SGCD: variants seen among roughly 807,000 people sequenced by gnomAD.
SGCD encodes delta-sarcoglycan.
In SGCD, 18 loss-of-function variants were observed where a neutral mutation model predicts 36.6. The ratio of observed to expected loss-of-function variants is 0.49; its 90% confidence interval spans 0.34 to 0.73. The LOEUF (loss-of-function observed/expected upper bound fraction) is 0.73. SGCD is among the 30% of genes least tolerant of loss of function. SGCD has a pLI of 0.01. For synonymous variants in SGCD, 133 were observed against 130.6 expected (o/e 1.02, Z -0.12); for missense variants, 387 against 346.7 (o/e 1.12, Z -0.92).
At chr5:155,862,135 G>A in the SGCD span, among the ~76,000 whole-genome samples, 4 of 152,028 alleles carry the variant, frequency 2.6e-5, no homozygotes, top group South Asian at 8.3e-4. Flanking sequence ...GAACAACTGT[G>A]TATGATTTCT....
chr5:155,962,476 C>T (rs1757811656), intron 1 of SGCD, among the ~76,000 whole-genome samples: 1 of 152,096 alleles, frequency 6.6e-6, no homozygotes, highest in East Asian at 1.9e-4. Context: ...CCAGTGGTTT[C>T]TCTGTAGCTA....
chr5:155,919,373 G>A (rs1368331), intron 1 of SGCD, among the ~76,000 whole-genome samples: 14,438 of 152,142 alleles, frequency 0.095, 775 homozygotes, highest in South Asian at 0.17. Flanking sequence ...CAGGGCCAAT[G>A]GTACAAAACT....
At chr5:156,627,098 G>A (rs900927598) in intron 6 of SGCD, among the ~76,000 whole-genome samples, 1 of 152,148 alleles carries the variant, frequency 6.6e-6, no homozygotes, top group Non-Finnish European at 1.5e-5. Context: ...ATTGCCCTGT[G>A]GGAGAATGAT....
At chr5:156,427,726 G>A (rs963278266) in intron 3 of SGCD, among the ~76,000 whole-genome samples, 3 of 151,992 alleles carry the variant, frequency 2.0e-5, no homozygotes, top group African/African-American at 7.2e-5. Flanking sequence ...TGCCAATTTT[G>A]TTGAGAGGTT....
intron 3 of SGCD, among the ~76,000 whole-genome samples, chr5:156,397,510 G>A (rs1771924143): frequency 6.6e-6 from 1 of 152,196 alleles, no homozygotes; most frequent in African/African-American, 2.4e-5. Context: ...TGATTTGCCT[G>A]AGGTTACACA....
chr5:156,504,603 C>T (rs991426871), intron 3 of SGCD, among the ~76,000 whole-genome samples: 1 of 151,942 alleles, frequency 6.6e-6, no homozygotes, highest in Non-Finnish European at 1.5e-5. Context: ...TGCAACTTTA[C>T]ATAGTTTTTA....
intron 1 of SGCD, among the ~76,000 whole-genome samples, chr5:156,016,340 G>A (rs1205117206): frequency 2.6e-5 from 4 of 151,960 alleles, no homozygotes; most frequent in African/African-American, 9.7e-5. Flanking sequence ...AATGCAGTTA[G>A]GTTTGTTTCT....
At chr5:156,354,557 A>G (rs1372527387) in intron 3 of SGCD, among the ~76,000 whole-genome samples, 1 of 152,214 alleles carries the variant, frequency 6.6e-6, no homozygotes, top group East Asian at 1.9e-4. Context: ...GAGAGTTTTC[A>G]TACAACTAAA....
chr5:156,045,640 T>C (rs1342796115), intron 1 of SGCD, among the ~76,000 whole-genome samples: 2 of 152,190 alleles, frequency 1.3e-5, no homozygotes, highest in East Asian at 3.9e-4. Context: ...TAAAGCAGCA[T>C]CAGTTTCTGG....
At chr5:156,360,794 G>A (rs960488076) in intron 3 of SGCD, among the ~76,000 whole-genome samples, 5 of 152,040 alleles carry the variant, frequency 3.3e-5, no homozygotes, top group Non-Finnish European at 1.5e-5. Flanking sequence ...CCTTTCTACT[G>A]AGAGCCATTT....
chr5:156,176,848 T>A (rs1466310303), intron 3 of SGCD, among the ~76,000 whole-genome samples: 2 of 152,196 alleles, frequency 1.3e-5, no homozygotes, highest in Non-Finnish European at 2.9e-5. Flanking sequence ...TGCCTTCAGT[T>A]TTGGAAAATT....
intron 3 of SGCD, among the ~76,000 whole-genome samples, chr5:156,263,692 T>A (rs1174744093): frequency 6.6e-6 from 1 of 152,076 alleles, no homozygotes; most frequent in Non-Finnish European, 1.5e-5. Context: ...AGGATTTTTC[T>A]CATGTTATCT....
At chr5:156,596,635 C>T (rs995516178) in intron 6 of SGCD, among the ~76,000 whole-genome samples, 1 of 152,132 alleles carries the variant, frequency 6.6e-6, no homozygotes, top group Non-Finnish European at 1.5e-5. Flanking sequence ...TTTACCTCCT[C>T]CCACAGTCAG....
intron 2 of SGCD, among the ~76,000 whole-genome samples, chr5:156,330,637 C>T (rs1356606758): frequency 1.3e-5 from 2 of 152,302 alleles, no homozygotes; most frequent in African/African-American, 2.4e-5. Context: ...TGAGCCTTCT[C>T]CTGACAAAAA....
At chr5:156,713,514 C>T (rs1755090633) in intron 7 of SGCD, among the ~76,000 whole-genome samples, 1 of 152,138 alleles carries the variant, frequency 6.6e-6, no homozygotes, top group Non-Finnish European at 1.5e-5. Flanking sequence ...AAGGAACAGA[C>T]AGGAGCTTGT....
At chr5:156,293,234 C>A (rs944783491) in intron 3 of SGCD, among the ~76,000 whole-genome samples, 3 of 152,068 alleles carry the variant, frequency 2.0e-5, no homozygotes, top group Non-Finnish European at 2.9e-5. Context: ...TAATAACATA[C>A]CTGGCTTTGT....
intron 4 of SGCD, among the ~76,000 whole-genome samples, chr5:156,525,632 AT>A (rs1757613940): frequency 6.6e-6 from 1 of 151,782 alleles, no homozygotes; most frequent in African/African-American, 2.4e-5. Flanking sequence ...CTTTTGGCTC[AT>A]ATAAGAAAAA....
chr5:155,759,800 T>C, the SGCD span, among the ~76,000 whole-genome samples: 1 of 152,344 alleles, frequency 6.6e-6, no homozygotes, highest in African/African-American at 2.4e-5. Context: ...CTCTTAGCTC[T>C]GTATTGACCT....
intron 1 of SGCD, among the ~76,000 whole-genome samples, chr5:156,072,688 A>C (rs1760619721): frequency 6.6e-6 from 1 of 152,146 alleles, no homozygotes; most frequent in Admixed American, 6.5e-5. Context: ...GCCTTGCTAG[A>C]ATGGGGAAGT....
Sources: gnomAD v4.1 joint callset for allele counts (sites outside exome capture counted in the v4.1 genomes callset) on GRCh38, gnomAD v4.1.1 for gene constraint, MANE v1.5 for transcripts, NCBI Gene and HGNC (gene_info 2026-07-23, HGNC 2026-07-21) for gene names.